The following HDGF variants were observed in gnomAD, a reference collection of about 807,000 sequenced individuals.
HDGF encodes heparin binding growth factor.
In HDGF, 5 loss-of-function variants were observed where a neutral mutation model predicts 30.0. That is an observed-to-expected ratio of 0.17 (90% CI 0.09 to 0.35). The LOEUF (loss-of-function observed/expected upper bound fraction) is 0.35. Ranked by LOEUF, HDGF falls within the 10% of genes least tolerant of loss-of-function variation. The pLI is 1.00. For synonymous variants in HDGF, 133 were observed against 112.7 expected (o/e 1.18, Z -1.14); for missense variants, 214 against 302.8 (o/e 0.71, Z 2.18).
At chr1:156,743,500 T>C in intron 5 of HDGF, 45 bp from the exon 6 acceptor site, 1 of 1,571,834 alleles carries the variant, frequency 6.4e-7, no homozygotes, top group Non-Finnish European at 8.6e-7. Flanking sequence ...GGTGTGGCCT[T>C]GGCCTGGCCT....
intron 2 of HDGF, 29 bp downstream of exon 2, chr1:156,745,268 C>T (rs1449037882): frequency 7.4e-6 from 12 of 1,612,186 alleles, no homozygotes; most frequent in Middle Eastern, 1.7e-4. Flanking sequence ...GGGGCCCTCC[C>T]GACCTATACC....
upstream of HDGF, chr1:156,751,915 G>T: frequency 9.7e-7 from 1 of 1,027,072 alleles, no homozygotes; most frequent in Non-Finnish European, 1.4e-6. This position sits in a 1 kb window ranked among gnomAD's most constrained non-coding sequence, Gnocchi z 4.7. Flanking sequence ...GGAGCCGATC[G>T]CCGAGCACGC....
chr1:156,756,752 G>C (rs1279589667), upstream of HDGF, among the ~76,000 whole-genome samples: 1 of 150,260 alleles, frequency 6.7e-6, no homozygotes, highest in Non-Finnish European at 1.5e-5. Context: ...TCTGTATATA[G>C]ATACAACACA....
At chr1:156,751,955 G>T (rs1651014409), upstream of HDGF, 2 of 1,299,988 alleles carry the variant, frequency 1.5e-6, no homozygotes, top group Non-Finnish European at 2.1e-6. This position sits in a 1 kb window ranked among gnomAD's most constrained non-coding sequence, Gnocchi z 4.7. Flanking sequence ...CGCGGTCGGT[G>T]GGTGCCCGCC....
rs768047475 is a variant in HDGF, at chr1:156,743,750, A to G, written c.618T>C (p.Ser206=). 3.1e-6 allele frequency: 5 copies of G among 1,600,208 alleles called. No individual in the cohort carries two copies. Among genetic ancestry groups the G allele is most frequent in the Non-Finnish European group, 4.3e-6 (5 of 1,173,438 alleles). The change falls in exon 5 of 6, where the codon TCT becomes TCC. Residue 206 remains serine (S), a synonymous_variant. Coordinates refer to ENST00000357325, the MANE Select transcript of HDGF (RefSeq NM_004494.3). ...CTTCCTCTTGGGGAGGCCCCCGGCC[A>G]GAGCCGGGCTCAGAGGGGGTGCTAT... is the stretch of plus-strand genomic sequence containing the variant. ...EKNSTPSEPG[S]GRGPPQEEEE...
At chr1:156,757,449 G>A (rs1651172024) in intron 2 of HDGF, among the ~76,000 whole-genome samples, 1 of 150,228 alleles carries the variant, frequency 6.7e-6, no homozygotes, top group Non-Finnish European at 1.5e-5. Flanking sequence ...CTGGGCGACA[G>A]GGCAAGACTC....
At chr1:156,744,563 G>T in intron 3 of HDGF, 1 of 1,531,298 alleles carries the variant, frequency 6.5e-7, no homozygotes, top group Non-Finnish European at 8.7e-7. Flanking sequence ...GTGCAGGAGG[G>T]GGGAGGGCTG....
intron 1 of HDGF, among the ~76,000 whole-genome samples, chr1:156,765,847 G>A (rs1414983825): frequency 6.6e-6 from 1 of 152,144 alleles, no homozygotes; most frequent in Non-Finnish European, 1.5e-5. Context: ...CAGAGAGTAC[G>A]TTGGGGAACC....
At chr1:156,757,156 C>A (rs924565570), upstream of HDGF, among the ~76,000 whole-genome samples, 6 of 151,968 alleles carry the variant, frequency 3.9e-5, no homozygotes, top group Non-Finnish European at 8.8e-5. Flanking sequence ...TACTGGCCAA[C>A]ACATGTGGAC....
Position 156,764,189 on chromosome 1 carries a change from A to T in HDGF, n.136+2601T>A, listed in dbSNP as rs530232124. Among the ~76,000 whole-genome samples, 4 of 152,012 alleles carry T rather than the reference A, an allele frequency of 2.6e-5. No homozygotes were observed. In the South Asian group the frequency reaches 8.3e-4, roughly 32 times the overall value. On this transcript the variant is annotated intron_variant and non_coding_transcript_variant, in intron 1 of 7. Coordinates refer to the HDGF transcript ENST00000465180. ...TACCTTGGCCTCCTTAAGTGCTGGG[A>T]TTACAGGCGTGAGCCACCGTACATA...
chr1:156,751,235 C>G lies in HDGF; in HGVS notation c.87+108G>C. The G allele has an allele frequency of 7.5e-7, 1 of 1,325,940 alleles. No homozygotes were observed. Among genetic ancestry groups the G allele is most frequent in the Non-Finnish European group, 9.9e-7 (1 of 1,015,024 alleles). 82.1% of individuals were successfully genotyped at this position (1,325,940 alleles called of 1,614,324 possible). The stretch of plus-strand genomic sequence containing the variant: ...AGAGAAAGAGCCGGAGACCTACAAG[C>G]CCCCTGCCCCCACCTCTGCCCGCTC... On this transcript the variant is annotated intron_variant, in intron 1 of 5. Coordinates refer to ENST00000357325, the MANE Select transcript of HDGF (RefSeq NM_004494.3). The surrounding 1 kb of genome is among the most constrained non-coding windows in gnomAD (Gnocchi z 4.7).
At chr1:156,745,772 G>A (rs1166377245) in intron 1 of HDGF, among the ~76,000 whole-genome samples, 1 of 152,120 alleles carries the variant, frequency 6.6e-6, no homozygotes, top group Non-Finnish European at 1.5e-5. Flanking sequence ...TACCTTTTAA[G>A]GACTCTAGAA....
chr1:156,761,587 C>T (rs867591902), intron 1 of HDGF, among the ~76,000 whole-genome samples: 2 of 141,162 alleles, frequency 1.4e-5, no homozygotes, highest in Non-Finnish European at 3.1e-5. Context: ...CCAGCCTTGG[C>T]GACAGAGTGA....
At chr1:156,765,435 C>T (rs1440910973) in intron 1 of HDGF, among the ~76,000 whole-genome samples, 1 of 93,880 alleles carries the variant, frequency 1.1e-5, no homozygotes, top group Non-Finnish European at 2.4e-5. Context: ...CTCTTTCTTT[C>T]TTTCCTTTCT....
intron 1 of HDGF, among the ~76,000 whole-genome samples, chr1:156,764,578 C>A (rs916051692): frequency 6.6e-6 from 1 of 152,004 alleles, no homozygotes; most frequent in Non-Finnish European, 1.5e-5. Context: ...CATGAAGTTT[C>A]TATTATCAAT....
rs528465826 is a variant in HDGF at position 156,746,718 on chromosome 1, G to C, written c.88-1345C>G. Among the ~76,000 whole-genome samples, 6 of 152,210 alleles carry C rather than the reference G, an allele frequency of 3.9e-5. No individual in the cohort carries two copies. The South Asian group carries it at 1.2e-3, about 32-fold the overall frequency. ...AGCCAGGGGTGGGTCGTGGGGGAAGGTGGGGCGGGTGGGGACTACAACTCC... is the reference window on the plus strand; with the variant it reads ...AGCCAGGGGTGGGTCGTGGGGGAAGCTGGGGCGGGTGGGGACTACAACTCC... On this transcript the variant is annotated intron_variant, in intron 1 of 5. Transcript: ENST00000357325.
intron 1 of HDGF, among the ~76,000 whole-genome samples, chr1:156,761,190 G>A (rs542569457): frequency 2.0e-5 from 3 of 152,076 alleles, no homozygotes; most frequent in Non-Finnish European, 2.9e-5. Flanking sequence ...GAGCGTGCCT[G>A]TAATCCCAGC....
rs1650981419 is a variant in HDGF at position 156,751,587 on chromosome 1, C to T, written c.-158G>A. 1 of 984,390 alleles carries T rather than the reference C, an allele frequency of 1.0e-6. No homozygotes were observed. The highest frequency in any genetic ancestry group is 6.2e-5 in the Admixed American group (1 of 16,026). The allele number at this position is 984,390 out of a possible 1,614,324, so 61.0% of individuals were successfully genotyped here. On this transcript the variant is annotated 5_prime_UTR_variant, in exon 1 of 6. Coordinates refer to ENST00000357325, the MANE Select transcript of HDGF (RefSeq NM_004494.3). The surrounding 1 kb of genome is among the most constrained non-coding windows in gnomAD (Gnocchi z 4.7). The stretch of plus-strand genomic sequence containing the variant: ...GAGCTCCGGCGCGGCCACGGCGTCT[C>T]CGCCCGCGCGCCGCACGGACGGGGC...
intron 1 of HDGF, among the ~76,000 whole-genome samples, chr1:156,761,141 T>C (rs920894925): frequency 3.3e-5 from 5 of 150,600 alleles, no homozygotes; most frequent in Non-Finnish European, 7.4e-5. Context: ...GGTGAACCCC[T>C]GTCTCTACTA....
Sources: allele counts gnomAD v4.1 joint callset (sites outside exome capture counted in the v4.1 genomes callset), GRCh38; gene constraint gnomAD v4.1.1; non-coding constraint Gnocchi (gnomAD v3.1); transcripts MANE v1.5; gene names NCBI Gene and HGNC (gene_info 2026-07-23, HGNC 2026-07-21).